Variants in ANO4 observed in about 807,000 individuals in gnomAD.
The protein encoded by ANO4 is anoctamin-4.
ANO4 carries 69 observed loss-of-function variants against 141.9 expected under a neutral mutation model. The observed-to-expected ratio is 0.49, with a 90% CI of 0.40 to 0.59. The LOEUF is 0.59. Among genes scored for constraint, ANO4 ranks in the 20% least tolerant of loss-of-function variants. The pLI, the probability that ANO4 is intolerant of heterozygous loss-of-function variation, is 0.00. For synonymous variants in ANO4, 350 were observed against 394.3 expected (o/e 0.89, Z 1.33); for missense variants, 894 against 1,162.2 (o/e 0.77, Z 3.36).
chr12:100,808,588 CTTCCTATA>C (rs1385176419), intron 1 of ANO4, among the ~76,000 whole-genome samples: 1 of 152,038 alleles, frequency 6.6e-6, no homozygotes, highest in East Asian at 1.9e-4. Context: ...TTAAGATATT[CTTCCTATA>C]TATTTTGGCA....
intron 8 of ANO4, among the ~76,000 whole-genome samples, chr12:101,014,115 C>T (rs1180435957): frequency 6.6e-6 from 1 of 152,018 alleles, no homozygotes; most frequent in Admixed American, 6.6e-5. Context: ...ATATACAACG[C>T]CCATGCCCAT....
At chr12:101,053,904 T>C (rs929891296) in intron 14 of ANO4, among the ~76,000 whole-genome samples, 3 of 152,228 alleles carry the variant, frequency 2.0e-5, no homozygotes, top group Non-Finnish European at 4.4e-5. Context: ...ACTGGAGTTA[T>C]AATCCGGGAA....
At chr12:100,958,917 T>G (rs2043286722) in intron 5 of ANO4, among the ~76,000 whole-genome samples, 1 of 152,020 alleles carries the variant, frequency 6.6e-6, no homozygotes, top group African/African-American at 2.4e-5. Context: ...GAGCAGAGTG[T>G]GGGTATGAGA....
At position 100,762,454 on chromosome 12, in the gene ANO4, G is replaced by T. The variant is rs563714374; in HGVS notation, c.358+22349G>T. On this transcript the variant is annotated intron_variant, in intron 3 of 29. Transcript: ENST00000644049. ...AAGAAAGGAGACCAGAATCTCTAGTGCTTTTGACTTTTGACTAGACTACCT... is the reference window on the plus strand; with the variant it reads ...AAGAAAGGAGACCAGAATCTCTAGTTCTTTTGACTTTTGACTAGACTACCT... 6.4e-4 allele frequency among the ~76,000 whole-genome samples: 97 copies of T among 152,260 alleles called. 1 individual carries two copies. The South Asian group carries it at 0.02, about 31-fold the overall frequency.
At chr12:100,832,416 T>C (rs1469082314) in intron 1 of ANO4, among the ~76,000 whole-genome samples, 1 of 152,030 alleles carries the variant, frequency 6.6e-6, no homozygotes, top group African/African-American at 2.4e-5. Context: ...TCTGTGAAAA[T>C]GCATGTTAAA....
At chr12:101,074,434 T>C (rs1290330405) in intron 14 of ANO4, among the ~76,000 whole-genome samples, 2 of 152,224 alleles carry the variant, frequency 1.3e-5, no homozygotes, top group East Asian at 3.8e-4. Context: ...AACAGGCAAG[T>C]ACTACACATC....
intron 3 of ANO4, among the ~76,000 whole-genome samples, chr12:100,771,591 T>C (rs1606761): frequency 0.83 from 126,389 of 152,098 alleles, 52,676 homozygotes; most frequent in African/African-American, 0.87. Flanking sequence ...GAATAAAAGA[T>C]TTCTGCAGTT....
At chr12:100,809,007 C>A (rs764985099) in intron 1 of ANO4, among the ~76,000 whole-genome samples, 1 of 152,018 alleles carries the variant, frequency 6.6e-6, no homozygotes, top group African/African-American at 2.4e-5. Context: ...TTACTATAGA[C>A]CAAATGTTAG....
chr12:100,885,753 A>G (rs1254874845), intron 1 of ANO4, among the ~76,000 whole-genome samples: 1 of 152,200 alleles, frequency 6.6e-6, no homozygotes, highest in Non-Finnish European at 1.5e-5. Flanking sequence ...GTGCTGGTAG[A>G]AATTCCCTCA....
chr12:100,875,308 G>A (rs1319949356), intron 1 of ANO4, among the ~76,000 whole-genome samples: 3 of 151,958 alleles, frequency 2.0e-5, no homozygotes, highest in East Asian at 3.9e-4. Context: ...TGAAACCCGG[G>A]GTACACCATC....
At chr12:100,731,075 T>C (rs986084261) in intron 1 of ANO4, among the ~76,000 whole-genome samples, 1 of 152,230 alleles carries the variant, frequency 6.6e-6, no homozygotes, top group Non-Finnish European at 1.5e-5. Context: ...CCATCTTCTC[T>C]GTCAATCCAC....
At chr12:100,740,199 G>T in intron 3 of ANO4, 1 of 665,812 alleles carries the variant, frequency 1.5e-6, no homozygotes, top group Non-Finnish European at 2.7e-6. Flanking sequence ...TTGTATTTCT[G>T]CTTGTGTGAT....
chr12:101,093,129 G>C (rs2049845563), intron 17 of ANO4, among the ~76,000 whole-genome samples: 1 of 152,158 alleles, frequency 6.6e-6, no homozygotes, highest in African/African-American at 2.4e-5. Flanking sequence ...CCAAGAGTCT[G>C]AGATTTCTAG....
At chr12:100,843,094 A>G (rs539897308) in intron 1 of ANO4, among the ~76,000 whole-genome samples, 43 of 152,238 alleles carry the variant, frequency 2.8e-4, no homozygotes, top group African/African-American at 8.4e-4. Flanking sequence ...TAGCATAGCA[A>G]TTGAGACCAT....
At chr12:100,832,250 T>G (rs2036671467) in intron 1 of ANO4, among the ~76,000 whole-genome samples, 1 of 152,246 alleles carries the variant, frequency 6.6e-6, no homozygotes, top group South Asian at 2.1e-4. Context: ...TGTAGTCTTA[T>G]ATTTCAGGGT....
chr12:101,113,991 C>G (rs1432383683), intron 24 of ANO4, among the ~76,000 whole-genome samples: 1 of 152,166 alleles, frequency 6.6e-6, no homozygotes, highest in Non-Finnish European at 1.5e-5. Flanking sequence ...TCACAGGAAA[C>G]CCTTCGTCTG....
At chr12:100,740,208 A>G (rs1002015989) in intron 3 of ANO4, 2 of 657,108 alleles carry the variant, frequency 3.0e-6, no homozygotes, top group African/African-American at 3.5e-5. Context: ...TGCTTGTGTG[A>G]TATGATGGAC....
At chr12:101,021,200 G>T (rs1252373428) in intron 9 of ANO4, among the ~76,000 whole-genome samples, 1 of 152,150 alleles carries the variant, frequency 6.6e-6, no homozygotes, top group Non-Finnish European at 1.5e-5. Context: ...AAGCTGCCTC[G>T]AGTGGCTCCA....
intron 9 of ANO4, among the ~76,000 whole-genome samples, chr12:101,031,608 A>AGTGTATTCAAAT (rs1160752745): frequency 6.6e-6 from 1 of 152,200 alleles, no homozygotes; most frequent in Non-Finnish European, 1.5e-5. Context: ...AAAGAAATAA[A>AGTGTATTCAAAT]GTGTATTCAA....
Sources: allele counts gnomAD v4.1 joint callset (sites outside exome capture counted in the v4.1 genomes callset), GRCh38; gene constraint gnomAD v4.1.1; transcripts MANE v1.5; gene names NCBI Gene and HGNC (gene_info 2026-07-23, HGNC 2026-07-21).